GPR176: variants seen among roughly 807,000 people sequenced by gnomAD.
GPR176 encodes the protein G protein-coupled receptor 176.
GPR176 carries 26 observed loss-of-function variants against 35.4 expected under a neutral mutation model. The observed-to-expected ratio is 0.74, with a 90% CI of 0.54 to 1.02. The LOEUF (loss-of-function observed/expected upper bound fraction) is 1.02. Among genes scored for constraint, GPR176 ranks in the 50% least tolerant of loss-of-function variants. GPR176 has a pLI of 0.00. For missense variants in GPR176, 597 were observed against 665.3 expected (o/e 0.90, Z 1.13); for synonymous variants, 278 against 271.3 (o/e 1.02, Z -0.24).
intron 1 of GPR176, among the ~76,000 whole-genome samples, chr15:39,866,583 T>C (rs1164295099): frequency 6.6e-6 from 1 of 152,192 alleles, no homozygotes; most frequent in Non-Finnish European, 1.5e-5. Flanking sequence ...AAGTATATTA[T>C]AGGATTTTTT....
chr15:39,849,856 G>A (rs908408018), intron 1 of GPR176, among the ~76,000 whole-genome samples: 1 of 152,106 alleles, frequency 6.6e-6, no homozygotes, highest in African/African-American at 2.4e-5. Flanking sequence ...TCATCACTGT[G>A]TAACATTACA....
intron 1 of GPR176, among the ~76,000 whole-genome samples, chr15:39,869,084 T>A (rs1256155168): frequency 6.7e-6 from 1 of 150,286 alleles, no homozygotes; most frequent in East Asian, 1.9e-4. Context: ...CCAAAAGCAC[T>A]GTGTATACAC....
intron 1 of GPR176, among the ~76,000 whole-genome samples, chr15:39,831,742 C>G (rs910612844): frequency 2.0e-5 from 3 of 152,152 alleles, no homozygotes; most frequent in African/African-American, 4.8e-5. Context: ...TTGCATCCCT[C>G]CAGTGGCCCA....
At chr15:39,826,458 T>C (rs987020719) in intron 1 of GPR176, among the ~76,000 whole-genome samples, 3 of 152,044 alleles carry the variant, frequency 2.0e-5, no homozygotes, top group African/African-American at 7.2e-5. Context: ...GGGGGACCAC[T>C]GAGAAATATG....
chr15:39,883,680 T>C (rs576390786), intron 1 of GPR176, among the ~76,000 whole-genome samples: 132 of 152,340 alleles, frequency 8.7e-4, no homozygotes, highest in African/African-American at 3.1e-3. Context: ...GGCACATAAA[T>C]ACTCTCTACA....
At position 39,801,667 on chromosome 15, in the gene GPR176, A is replaced by G. The variant is rs1181452281; in HGVS notation, c.1013T>C (p.Leu338Pro). Residue 338 changes from leucine to proline, a missense_variant, in exon 3 of 3, where the codon CTA (leucine) becomes CCA (proline). Transcript: ENST00000561100. ...RKCLIGTLVQ[L>P]HHRYSRRNVV... The stretch of plus-strand genomic sequence containing the variant: ...ATTACGGCGACTGTACCGGTGGTGT[A>G]GTTGCACCAGGGTCCCTATCAAGCA... The G allele has an allele frequency of 1.1e-5, 18 of 1,613,698 alleles. No homozygotes were observed. Among genetic ancestry groups the G allele is most frequent in the African/African-American group, 2.7e-5 (2 of 74,910 alleles).
chr15:39,855,816 T>A (rs1334800450), intron 1 of GPR176, among the ~76,000 whole-genome samples: 3 of 152,064 alleles, frequency 2.0e-5, no homozygotes, highest in Non-Finnish European at 4.4e-5. Context: ...GACAGTTAAG[T>A]TTGGGGAGGA....
At chr15:39,869,740 C>G (rs1237294397) in intron 1 of GPR176, among the ~76,000 whole-genome samples, 1 of 152,110 alleles carries the variant, frequency 6.6e-6, no homozygotes, top group African/African-American at 2.4e-5. Context: ...ATCCTTTACC[C>G]CAATCACATT....
intron 1 of GPR176, among the ~76,000 whole-genome samples, chr15:39,841,480 T>C (rs1015875227): frequency 6.6e-6 from 1 of 152,052 alleles, no homozygotes; most frequent in Non-Finnish European, 1.5e-5. Context: ...GGGAGATTTG[T>C]CCGCAGAGAC....
chr15:39,873,421 G>A (rs1464741972), intron 1 of GPR176, among the ~76,000 whole-genome samples: 1 of 152,164 alleles, frequency 6.6e-6, no homozygotes, highest in Non-Finnish European at 1.5e-5. Flanking sequence ...GAGGAAGAGA[G>A]AGAAATCAAA....
At chr15:39,821,138 G>T (rs1425842921) in intron 1 of GPR176, among the ~76,000 whole-genome samples, 2 of 152,130 alleles carry the variant, frequency 1.3e-5, no homozygotes, top group Middle Eastern at 3.2e-3. Flanking sequence ...AATATTAGTT[G>T]ATTTGAATAA....
chr15:39,848,866 G>C (rs2030637870), intron 1 of GPR176, among the ~76,000 whole-genome samples: 1 of 132,170 alleles, frequency 7.6e-6, no homozygotes, highest in Admixed American at 7.9e-5. Context: ...TTAGGAATGA[G>C]AAAATGTCTC....
chr15:39,831,073 AG>A (rs1277826230), intron 1 of GPR176, among the ~76,000 whole-genome samples: 1 of 152,318 alleles, frequency 6.6e-6, no homozygotes, highest in Non-Finnish European at 1.5e-5. Flanking sequence ...TTTTAGCTTA[AG>A]GTTGGAACGG....
At chr15:39,835,734 G>C (rs901110035) in intron 1 of GPR176, among the ~76,000 whole-genome samples, 1 of 152,176 alleles carries the variant, frequency 6.6e-6, no homozygotes, top group Non-Finnish European at 1.5e-5. Flanking sequence ...CTTTGCATCA[G>C]TCATGTGACC....
intron 1 of GPR176, among the ~76,000 whole-genome samples, chr15:39,915,261 T>C (rs1353950363): frequency 1.3e-5 from 2 of 152,210 alleles, no homozygotes; most frequent in Non-Finnish European, 2.9e-5. Flanking sequence ...GAGGGCCTTC[T>C]TCCTGGTTTG....
intron 1 of GPR176, among the ~76,000 whole-genome samples, chr15:39,905,825 A>G (rs1184611576): frequency 1.3e-5 from 2 of 152,160 alleles, no homozygotes; most frequent in Non-Finnish European, 2.9e-5. Flanking sequence ...TGGGAGGGAA[A>G]TGGGTGTGGC....
At chr15:39,905,102 G>A (rs77200916) in intron 1 of GPR176, among the ~76,000 whole-genome samples, 2,254 of 152,300 alleles carry the variant, frequency 0.015, 68 homozygotes, top group African/African-American at 0.052. Context: ...GAATGGAGGA[G>A]GAAGCAGACT....
chr15:39,810,878 CATAATAGAAGA>C (rs1004428610), intron 1 of GPR176, among the ~76,000 whole-genome samples: 1 of 152,164 alleles, frequency 6.6e-6, no homozygotes, highest in African/African-American at 2.4e-5. Context: ...ACAGTAACCC[CATAATAGAAGA>C]AACAACCAGC....
At chr15:39,832,781 G>A (rs1344087243) in intron 1 of GPR176, among the ~76,000 whole-genome samples, 1 of 152,080 alleles carries the variant, frequency 6.6e-6, no homozygotes, top group Non-Finnish European at 1.5e-5. Context: ...GCCACAGGTT[G>A]GGCAAACTTG....
Sources: allele counts gnomAD v4.1 joint callset (sites outside exome capture counted in the v4.1 genomes callset), GRCh38; gene constraint gnomAD v4.1.1; transcripts MANE v1.5; gene names NCBI Gene and HGNC (gene_info 2026-07-23, HGNC 2026-07-21).